GRB14: variants seen among roughly 807,000 people sequenced by gnomAD.
The protein encoded by GRB14 is growth factor receptor bound protein 14.
Under a neutral mutation model 69.1 loss-of-function variants are expected in GRB14, and 38 were observed. The observed-to-expected ratio is 0.55, with a 90% CI of 0.42 to 0.72. The LOEUF (loss-of-function observed/expected upper bound fraction) is 0.72. Among genes scored for constraint, GRB14 ranks in the 30% least tolerant of loss-of-function variants. GRB14 has a pLI of 0.00. For synonymous variants in GRB14, 247 were observed against 241.3 expected (o/e 1.02, Z -0.22); for missense variants, 666 against 666.1 (o/e 1.00, Z 0.00).
chr2:164,535,160 A>G (rs1214839055), intron 3 of GRB14, among the ~76,000 whole-genome samples: 3 of 152,122 alleles, frequency 2.0e-5, no homozygotes, highest in Non-Finnish European at 4.4e-5. Flanking sequence ...AAAATTTCCT[A>G]TTGCCTTAAG....
chr2:164,597,202 A>G (rs1689804426), intron 2 of GRB14, among the ~76,000 whole-genome samples: 1 of 152,232 alleles, frequency 6.6e-6, no homozygotes, highest in South Asian at 2.1e-4. Context: ...ATTTGACTTT[A>G]TAACCTCACA....
At chr2:164,495,800 A>G (rs992614875) in intron 12 of GRB14, among the ~76,000 whole-genome samples, 2 of 152,224 alleles carry the variant, frequency 1.3e-5, no homozygotes, top group African/African-American at 2.4e-5. Context: ...TCCCAAGTAG[A>G]TCACCACTAC....
At chr2:164,540,746 T>G (rs1296967317) in intron 3 of GRB14, among the ~76,000 whole-genome samples, 5 of 152,210 alleles carry the variant, frequency 3.3e-5, no homozygotes, top group African/African-American at 1.2e-4. Context: ...CCTGTCTCTC[T>G]CCCAGTGAAA....
chr2:164,578,439 G>C (rs576215530), intron 2 of GRB14, among the ~76,000 whole-genome samples: 202 of 149,906 alleles, frequency 1.3e-3, no homozygotes, highest in African/African-American at 4.8e-3. Context: ...TCCAAATACA[G>C]AAAGCATTCT....
chr2:164,602,466 T>C (rs1347275577), intron 2 of GRB14, among the ~76,000 whole-genome samples: 2 of 152,156 alleles, frequency 1.3e-5, no homozygotes, highest in African/African-American at 4.8e-5. Context: ...TGTGCAATTA[T>C]TTTTTTCCTT....
chr2:164,612,237 A>G (rs921743543), intron 2 of GRB14, among the ~76,000 whole-genome samples: 2 of 152,228 alleles, frequency 1.3e-5, no homozygotes, highest in African/African-American at 4.8e-5. Context: ...TAACCACTGC[A>G]TGTAACAATA....
At chr2:164,529,965 G>A (rs1687880390) in intron 3 of GRB14, among the ~76,000 whole-genome samples, 2 of 152,182 alleles carry the variant, frequency 1.3e-5, no homozygotes, top group East Asian at 1.9e-4. Flanking sequence ...AAATTTTGTA[G>A]TGGAGAAGAC....
intron 2 of GRB14, among the ~76,000 whole-genome samples, chr2:164,616,933 TGG>T (rs1026502187): frequency 6.6e-6 from 1 of 152,154 alleles, no homozygotes; most frequent in African/African-American, 2.4e-5. Context: ...ACAGATAAAC[TGG>T]GCCAAAAACA....
chr2:164,554,538 T>C (rs1187606856), intron 2 of GRB14, among the ~76,000 whole-genome samples: 1 of 151,968 alleles, frequency 6.6e-6, no homozygotes, highest in Non-Finnish European at 1.5e-5. Context: ...AAACAGAGCG[T>C]CCAAAGAAGG....
intron 3 of GRB14, among the ~76,000 whole-genome samples, chr2:164,532,920 G>T (rs1298853437): frequency 6.6e-6 from 1 of 152,160 alleles, no homozygotes; most frequent in Non-Finnish European, 1.5e-5. Context: ...CAGAGTTAAA[G>T]AGTTATTGAA....
intron 6 of GRB14, among the ~76,000 whole-genome samples, chr2:164,520,957 C>G (rs1687618472): frequency 6.6e-6 from 1 of 152,108 alleles, no homozygotes; most frequent in East Asian, 1.9e-4. Context: ...TGTGGAGATT[C>G]CTTAAAGAAC....
At chr2:164,546,706 T>C (rs1688385887) in intron 3 of GRB14, among the ~76,000 whole-genome samples, 1 of 152,178 alleles carries the variant, frequency 6.6e-6, no homozygotes, top group African/African-American at 2.4e-5. Context: ...GATCTGCCTC[T>C]GTCTTAATCA....
At chr2:164,615,599 T>G (rs1378304491) in intron 2 of GRB14, among the ~76,000 whole-genome samples, 1 of 152,188 alleles carries the variant, frequency 6.6e-6, no homozygotes, top group African/African-American at 2.4e-5. Flanking sequence ...CTGTGCCACA[T>G]AGCATTCCTT....
At chr2:164,578,747 C>T (rs749953248) in intron 2 of GRB14, among the ~76,000 whole-genome samples, 4 of 152,112 alleles carry the variant, frequency 2.6e-5, no homozygotes, top group Admixed American at 6.5e-5. Flanking sequence ...ACAGATGTTA[C>T]GGAAGGAAAT....
Position 164,497,443 on chromosome 2 carries a change from C to G in GRB14, c.1152G>C (p.Gln384His), listed in dbSNP as rs777234948. ...TGGGATTTTCTATAACTCTGCTTTT[C>G]TGGCCTGAGAAGTCCATTGCTACCA... is the stretch of plus-strand genomic sequence containing the variant. ...NSLVAMDFSG[Q>H]KSRVIENPTE... Residue 384 changes from glutamine (Q) to histidine (H), a missense_variant, in exon 10 of 14, where the codon CAG becomes CAC. Physicochemically the swap from Gln to His is conservative, Grantham distance 24. Coordinates refer to ENST00000263915, the MANE Select transcript of GRB14 (RefSeq NM_004490.3). 1 of 1,613,704 alleles carries G rather than the reference C, an allele frequency of 6.2e-7. No homozygotes were observed. Among genetic ancestry groups the G allele is most frequent in the Non-Finnish European group, 8.5e-7 (1 of 1,179,740 alleles).
At chr2:164,595,765 A>G (rs1689765904) in intron 2 of GRB14, among the ~76,000 whole-genome samples, 1 of 152,208 alleles carries the variant, frequency 6.6e-6, no homozygotes, top group Non-Finnish European at 1.5e-5. Flanking sequence ...ATGATCTGGC[A>G]GAACAGTTGG....
At chr2:164,603,172 A>G (rs1689961642) in intron 2 of GRB14, among the ~76,000 whole-genome samples, 1 of 152,184 alleles carries the variant, frequency 6.6e-6, no homozygotes, top group Non-Finnish European at 1.5e-5. Flanking sequence ...TTAGCCATTT[A>G]GCATTATTGC....
At chr2:164,558,469 A>T (rs1688737609) in intron 2 of GRB14, among the ~76,000 whole-genome samples, 1 of 152,184 alleles carries the variant, frequency 6.6e-6, no homozygotes, top group East Asian at 1.9e-4. Flanking sequence ...ATCCAATATG[A>T]ATAATAAAGA....
intron 1 of GRB14, among the ~76,000 whole-genome samples, 199 bp downstream of exon 1, chr2:164,620,920 G>C (rs901180015): frequency 6.6e-6 from 1 of 152,236 alleles, no homozygotes; most frequent in Non-Finnish European, 1.5e-5. Flanking sequence ...CAATGAAACG[G>C]TGATGCTATT....
Sources: gnomAD v4.1 joint callset for allele counts (sites outside exome capture counted in the v4.1 genomes callset) on GRCh38, gnomAD v4.1.1 for gene constraint, MANE v1.5 for transcripts, NCBI Gene and HGNC (gene_info 2026-07-23, HGNC 2026-07-21) for gene names.